The following CKM variants were observed in gnomAD, a reference collection of about 807,000 sequenced individuals.
CKM encodes the protein creatine kinase M-type.
Under a neutral mutation model 35.4 loss-of-function variants are expected in CKM, and 28 were observed. The ratio of observed to expected loss-of-function variants is 0.79; its 90% CI spans 0.59 to 1.08. The LOEUF (loss-of-function observed/expected upper bound fraction) is 1.08. Among genes scored for constraint, CKM ranks in the 50% least tolerant of loss-of-function variants. The pLI is 0.00. For synonymous variants in CKM, 215 were observed against 204.4 expected (o/e 1.05, Z -0.44); for missense variants, 484 against 509.8 (o/e 0.95, Z 0.49).
intron 3 of CKM, among the ~76,000 whole-genome samples, chr19:45,317,397 C>T (rs1036328599): frequency 3.3e-5 from 5 of 152,226 alleles, no homozygotes; most frequent in African/African-American, 1.2e-4. Flanking sequence ...AAGCGATTCT[C>T]CTGCCTCAGC....
rs529653014 is a variant in CKM at position 45,319,083 on chromosome 19, C to T, written c.193+438G>A. On this transcript the variant is annotated intron_variant, in intron 2 of 7. Coordinates refer to ENST00000221476, the MANE Select transcript of CKM (RefSeq NM_001824.5). ...TGTTGCTCAGGCTGGTCTCAAACTC[C>T]TGGCCTCAAGTGATCCTCCCACCTG... is the stretch of plus-strand genomic sequence containing the variant. 2.0e-4 allele frequency among the ~76,000 whole-genome samples: 30 copies of T among 152,236 alleles called. 1 individual carries two copies. The highest frequency in any genetic ancestry group is 1.6e-3 in the Admixed American group (25 of 15,290).
chr19:45,317,718 C>T lies in CKM; in HGVS notation c.348+107G>A. On this transcript the variant is annotated intron_variant, in intron 3 of 7. Transcript: ENST00000221476. The stretch of plus-strand genomic sequence containing the variant: ...CTCTTTCCATCTCTCTGCTTCTCCA[C>T]ACCTCTGTGTCTCTCTCTGTCTCTG... 7.1e-6 allele frequency: 9 copies of T among 1,271,332 alleles called. No homozygotes were observed. In the South Asian group the frequency reaches 1.1e-4, roughly 16 times the overall value. The allele number at this position is 1,271,332 out of a possible 1,614,324, so 78.8% of individuals were successfully genotyped here.
At position 45,311,934 on chromosome 19, in the gene CKM, C is replaced by T. The variant is rs996032441; in HGVS notation, c.482-14G>A. ...GGCTGTTGAGAGCTATGGGGACACA[C>T]GAGGGAGTGGTCAGCAGCCTGTCCC... is the stretch of plus-strand genomic sequence containing the variant. On this transcript the variant is annotated splice_polypyrimidine_tract_variant and intron_variant, in intron 4 of 7. Transcript: ENST00000221476. The T allele has an allele frequency of 8.1e-6, 13 of 1,613,386 alleles. No individual in the cohort carries two copies. Among genetic ancestry groups the T allele is most frequent in the South Asian group, 2.2e-5 (2 of 91,008 alleles).
At chr19:45,321,445 T>C (rs1368656012) in intron 1 of CKM, among the ~76,000 whole-genome samples, 1 of 152,024 alleles carries the variant, frequency 6.6e-6, no homozygotes, top group African/African-American at 2.4e-5. Flanking sequence ...CTATGCCATT[T>C]CCCTGCTGTG....
chr19:45,308,547 C>G lies in CKM; in HGVS notation c.654-15G>C. On this transcript the variant is annotated splice_polypyrimidine_tract_variant and intron_variant, in intron 5 of 7. Transcript: ENST00000221476. ...TGTCATTGTGCCTAGAGTAAGGTGCCGCAGCAAGAGGCCAAGGTGTCAGCC... is the reference window on the plus strand; with the variant it reads ...TGTCATTGTGCCTAGAGTAAGGTGCGGCAGCAAGAGGCCAAGGTGTCAGCC... 1 of 1,613,960 alleles carries G rather than the reference C, an allele frequency of 6.2e-7. No individual in the cohort carries two copies. Among genetic ancestry groups the G allele is most frequent in the Non-Finnish European group, 8.5e-7 (1 of 1,179,946 alleles).
intron 3 of CKM, among the ~76,000 whole-genome samples, chr19:45,316,069 C>A (rs1028117824): frequency 6.6e-6 from 1 of 151,926 alleles, no homozygotes; most frequent in African/African-American, 2.4e-5. Context: ...GTGGCTCACA[C>A]CTGTAATCCC....
At chr19:45,313,264 T>A (rs1971126856) in intron 4 of CKM, among the ~76,000 whole-genome samples, 1 of 152,140 alleles carries the variant, frequency 6.6e-6, no homozygotes, top group East Asian at 1.9e-4. Context: ...ACTTTCTCAT[T>A]ATTACTATAT....
chr19:45,312,691 T>C (rs1971121516), intron 4 of CKM, among the ~76,000 whole-genome samples: 1 of 151,908 alleles, frequency 6.6e-6, no homozygotes, highest in Non-Finnish European at 1.5e-5. Context: ...CAGTGGCTCA[T>C]GCCTATAATC....
At chr19:45,316,111 C>T (rs1452455313) in intron 3 of CKM, among the ~76,000 whole-genome samples, 1 of 152,004 alleles carries the variant, frequency 6.6e-6, no homozygotes, top group Non-Finnish European at 1.5e-5. Flanking sequence ...GAGCCAATCA[C>T]CTGAGGTCAG....
In CKM at chr19:45,307,558, C is replaced by A. The variant is rs370775757; in HGVS notation, c.870G>T (p.Gly290=). The A allele has an allele frequency of 4.3e-6, 7 of 1,614,036 alleles. No homozygotes were observed. The African/African-American group carries it at 9.3e-5, about 22-fold the overall frequency. ...VLTCPSNLGT[G]LRGGVHVKLA... The stretch of plus-strand genomic sequence containing the variant: ...GCTTCACATGCACGCCTCCACGCAG[C>A]CCAGTGCCCAGGTTGGATGGGCAGG... The change falls in exon 7 of 8, where the codon GGG becomes GGT. Residue 290 remains glycine (G), a synonymous_variant. Transcript: ENST00000221476.
At chr19:45,309,415 A>G (rs1971086534) in intron 5 of CKM, among the ~76,000 whole-genome samples, 1 of 151,402 alleles carries the variant, frequency 6.6e-6, no homozygotes, top group Non-Finnish European at 1.5e-5. Flanking sequence ...ATTAGCAGGC[A>G]TGGTGGGACA....
chr19:45,307,245 T>C (rs2024633473), intron 7 of CKM, among the ~76,000 whole-genome samples: 1 of 152,168 alleles, frequency 6.6e-6, no homozygotes, highest in African/African-American at 2.4e-5. Context: ...TCCAAGGGCA[T>C]GTGCAATGCA....
intron 5 of CKM, among the ~76,000 whole-genome samples, chr19:45,310,116 C>CTTTTTTTTTT (rs56240150): frequency 2.1e-5 from 2 of 93,928 alleles, no homozygotes; most frequent in African/African-American, 4.3e-5. Context: ...CCAGGCACTG[C>CTTTTTTTTTT]TTTTTTTTTT....
At chr19:45,316,756 T>C (rs1971162044) in intron 3 of CKM, among the ~76,000 whole-genome samples, 1 of 151,894 alleles carries the variant, frequency 6.6e-6, no homozygotes, top group Non-Finnish European at 1.5e-5. Flanking sequence ...TCTGTGTCTC[T>C]GCCTCTCCCC....
At chr19:45,307,396 C>T in intron 7 of CKM, 65 bp downstream of exon 7, 2 of 1,493,852 alleles carry the variant, frequency 1.3e-6, no homozygotes, top group African/African-American at 1.4e-5. Flanking sequence ...CGCACCTCTC[C>T]TTGCATCCCT....
intron 1 of CKM, 82 bp from the exon 2 acceptor site, chr19:45,319,813 C>G (rs568339908): frequency 8.7e-7 from 1 of 1,147,904 alleles, no homozygotes; most frequent in Non-Finnish European, 1.3e-6. Flanking sequence ...TTTTTTGAGA[C>G]GGAGTCTCGC....
rs147489852 is a variant in CKM, at chr19:45,313,437, G to A, written c.482-1517C>T. On this transcript the variant is annotated intron_variant, in intron 4 of 7. Coordinates refer to ENST00000221476, the MANE Select transcript of CKM (RefSeq NM_001824.5). ...CCCTCATCTCTCCCCATCTCCTTGA[G>A]CCTCCGTATTCCCTGAGACACATGA... Among the ~76,000 whole-genome samples, 849 of 152,244 alleles carry A rather than the reference G, an allele frequency of 5.6e-3. 3 individuals carry two copies. Among genetic ancestry groups the A allele is most frequent in the Middle Eastern group, 0.02 (6 of 294 alleles).
intron 5 of CKM, among the ~76,000 whole-genome samples, chr19:45,310,946 T>TTC (rs1232585357): frequency 1.4e-5 from 2 of 144,530 alleles, no homozygotes; most frequent in African/African-American, 2.6e-5. Flanking sequence ...AATTTTTTTT[T>TTC]TTTTTTTGTA....
intron 5 of CKM, among the ~76,000 whole-genome samples, chr19:45,309,858 A>T (rs909302781): frequency 6.6e-6 from 1 of 152,082 alleles, no homozygotes; most frequent in African/African-American, 2.4e-5. Flanking sequence ...GTGAGAGTCC[A>T]TCTCAAAATA....
Sources: gnomAD v4.1 joint callset for allele counts (sites outside exome capture counted in the v4.1 genomes callset) on GRCh38, gnomAD v4.1.1 for gene constraint, MANE v1.5 for transcripts, NCBI Gene and HGNC (gene_info 2026-07-23, HGNC 2026-07-21) for gene names.